Variants in TEK observed in about 807,000 individuals in gnomAD.
TEK encodes TEK receptor tyrosine kinase.
In TEK, 43 loss-of-function variants were observed where a neutral mutation model predicts 131.8. The observed-to-expected ratio is 0.33, with a 90% CI of 0.26 to 0.42. TEK has a LOEUF of 0.42. Ranked by LOEUF, TEK falls within the 10% of genes least tolerant of loss-of-function variation. The pLI, the probability that TEK is intolerant of heterozygous loss-of-function variation, is 1.00. For synonymous variants in TEK, 580 were observed against 491.6 expected (o/e 1.18, Z -2.38); for missense variants, 1,162 against 1,384.4 (o/e 0.84, Z 2.55).
intron 2 of TEK, among the ~76,000 whole-genome samples, chr9:27,166,546 A>G (rs1194645712): frequency 1.3e-5 from 2 of 152,244 alleles, no homozygotes; most frequent in African/African-American, 4.8e-5. Flanking sequence ...ACAAGGTTTT[A>G]TCAGTTAGTA....
chr9:27,148,557 T>TGG (rs1162375738), intron 1 of TEK, among the ~76,000 whole-genome samples: 1 of 152,212 alleles, frequency 6.6e-6, no homozygotes, highest in African/African-American at 2.4e-5. Flanking sequence ...GCAAGCCCAG[T>TGG]GGGAGAGCCC....
chr9:27,146,912 G>A (rs1429259629), intron 1 of TEK, among the ~76,000 whole-genome samples: 2 of 151,920 alleles, frequency 1.3e-5, no homozygotes, highest in Non-Finnish European at 2.9e-5. Context: ...TGTATTTTTA[G>A]TAGAGACGGG....
chr9:27,227,650 G>T lies in TEK; in HGVS notation c.3201-556G>T, dbSNP rs1038206667. Among the ~76,000 whole-genome samples, 3 of 152,040 alleles carry T rather than the reference G, an allele frequency of 2.0e-5. No homozygotes were observed. The South Asian group carries it at 6.2e-4, about 32-fold the overall frequency. Reference sequence around the variant, plus strand: ...TTTGAGGCCTTTTGTGTAAGAGCACGAATCCCATTCATGAGGGTTCTACCC... The same window carrying T: ...TTTGAGGCCTTTTGTGTAAGAGCACTAATCCCATTCATGAGGGTTCTACCC... On this transcript the variant is annotated intron_variant, in intron 21 of 22. Coordinates refer to ENST00000380036, the MANE Select transcript of TEK (RefSeq NM_000459.5).
intron 6 of TEK, among the ~76,000 whole-genome samples, chr9:27,179,769 C>T (rs149344081): frequency 1.3e-5 from 2 of 152,188 alleles, no homozygotes; most frequent in Non-Finnish European, 2.9e-5. Flanking sequence ...TTTTCCCTCT[C>T]TCTCCAGTGG....
intron 21 of TEK, among the ~76,000 whole-genome samples, chr9:27,224,795 T>C (rs1826246640): frequency 6.6e-6 from 1 of 152,148 alleles, no homozygotes; most frequent in Non-Finnish European, 1.5e-5. Context: ...GGCATTCAAA[T>C]AGGAAGAGAG....
intron 1 of TEK, among the ~76,000 whole-genome samples, chr9:27,150,209 A>G (rs916553498): frequency 2.0e-5 from 3 of 152,172 alleles, no homozygotes; most frequent in African/African-American, 7.2e-5. Flanking sequence ...GGTGACAGAA[A>G]GGGCCCTGGA....
At chr9:27,119,105 A>G (rs975700600) in intron 1 of TEK, among the ~76,000 whole-genome samples, 3 of 152,182 alleles carry the variant, frequency 2.0e-5, no homozygotes, top group Admixed American at 6.5e-5. Context: ...GTTAGCTTCT[A>G]TCCCTTGGAA....
At chr9:27,139,155 G>A (rs1376010932) in intron 1 of TEK, among the ~76,000 whole-genome samples, 4 of 140,798 alleles carry the variant, frequency 2.8e-5, no homozygotes, top group Non-Finnish European at 6.1e-5. Context: ...GGAGCTTGCA[G>A]TGAGCCGAGA....
At chr9:27,122,780 A>AC (rs1447786862) in intron 1 of TEK, among the ~76,000 whole-genome samples, 1 of 151,998 alleles carries the variant, frequency 6.6e-6, no homozygotes, top group African/African-American at 2.4e-5. Context: ...GAGGCCGGGC[A>AC]CAGTGGCTCA....
chr9:27,202,806 T>C lies in TEK; in HGVS notation c.1910-14T>C. The C allele has an allele frequency of 1.2e-6, 2 of 1,613,344 alleles. No individual in the cohort carries two copies. The highest frequency in any genetic ancestry group is 1.7e-6 in the Non-Finnish European group (2 of 1,179,350). ...GTATATCTTAAGTGAATCTTTTTTC[T>C]TTTTAATTTCTAGTTCTTCCTCCTC... is the stretch of plus-strand genomic sequence containing the variant. On this transcript the variant is annotated splice_polypyrimidine_tract_variant and intron_variant, in intron 12 of 22. Coordinates refer to ENST00000380036, the MANE Select transcript of TEK (RefSeq NM_000459.5).
chr9:27,167,320 C>A (rs1032849808), intron 2 of TEK, among the ~76,000 whole-genome samples: 1 of 152,064 alleles, frequency 6.6e-6, no homozygotes, highest in East Asian at 1.9e-4. Context: ...CTCCGCCTCC[C>A]GGATTCAAGC....
chr9:27,149,116 T>G (rs1288400131), intron 1 of TEK, among the ~76,000 whole-genome samples: 6 of 152,236 alleles, frequency 3.9e-5, no homozygotes, highest in Admixed American at 2.0e-4. Flanking sequence ...TCTCACTCAC[T>G]CATTTATTTA....
At position 27,205,042 on chromosome 9, in the gene TEK, A is replaced by G. The variant is rs1283461881; in HGVS notation, c.2341A>G (p.Met781Val). 1.2e-6 allele frequency: 2 copies of G among 1,614,032 alleles called. No homozygotes were observed. The highest frequency in any genetic ancestry group is 1.7e-6 in the Non-Finnish European group (2 of 1,179,908). ...QLKRANVQRRMAQAFQNVREE... is the reference protein window; with the variant it reads ...QLKRANVQRRVAQAFQNVREE... The stretch of plus-strand genomic sequence containing the variant: ...GAAGAGGGCAAATGTGCAAAGGAGA[A>G]TGGCCCAAGCCTTCCAAAACGTGGT... Residue 781 changes from methionine (M) to valine (V), a missense_variant, in exon 14 of 23, where the codon ATG becomes GTG. By Grantham distance (21) the Met-to-Val change is conservative (BLOSUM62 1). Transcript: ENST00000380036.
chr9:27,124,575 C>A (rs747388223), intron 1 of TEK, among the ~76,000 whole-genome samples: 1 of 152,188 alleles, frequency 6.6e-6, no homozygotes, highest in Admixed American at 6.5e-5. Flanking sequence ...CTGCCCACAA[C>A]GAGGCCAAAG....
At chr9:27,173,736 GGTTTTTT>G (rs1824055311) in intron 6 of TEK, among the ~76,000 whole-genome samples, 6 of 79,584 alleles carry the variant, frequency 7.5e-5, no homozygotes, top group Non-Finnish European at 1.5e-4. Context: ...TTTTTTTTTT[GGTTTTTT>G]TTTTTTTTTT....
chr9:27,210,798 T>G (rs1252466927), intron 16 of TEK, among the ~76,000 whole-genome samples: 1 of 152,132 alleles, frequency 6.6e-6, no homozygotes, highest in Non-Finnish European at 1.5e-5. Flanking sequence ...TGCTTCGTCA[T>G]CACATTAGCA....
At chr9:27,228,182 C>G in intron 21 of TEK, 24 bp from the exon 22 acceptor site, 1 of 1,564,536 alleles carries the variant, frequency 6.4e-7, no homozygotes, top group East Asian at 2.2e-5. Flanking sequence ...ATAGAATTAA[C>G]CCTTTAATTC....
At chr9:27,126,734 C>T (rs891496324) in intron 1 of TEK, among the ~76,000 whole-genome samples, 2 of 152,104 alleles carry the variant, frequency 1.3e-5, no homozygotes, top group African/African-American at 4.8e-5. Flanking sequence ...ACAGAGGAGA[C>T]AGTAGTGATG....
intron 22 of TEK, among the ~76,000 whole-genome samples, chr9:27,228,590 T>C (rs1004518840): frequency 4.6e-5 from 7 of 152,108 alleles, no homozygotes; most frequent in Non-Finnish European, 8.8e-5. Flanking sequence ...CCCTTTAATT[T>C]TATAGATGAA....
Sources: allele counts gnomAD v4.1 joint callset (sites outside exome capture counted in the v4.1 genomes callset), GRCh38; gene constraint gnomAD v4.1.1; transcripts MANE v1.5; gene names NCBI Gene and HGNC (gene_info 2026-07-23, HGNC 2026-07-21).